The following NBEAL1 variants were observed in gnomAD, a reference collection of about 807,000 sequenced individuals.
The protein encoded by NBEAL1 is neurobeachin like 1, also known as neurobeachin-like protein 1.
In NBEAL1, 273 loss-of-function variants were observed where a neutral mutation model predicts 351.3. That is an observed-to-expected ratio of 0.78 (90% CI 0.70 to 0.86). The LOEUF (loss-of-function observed/expected upper bound fraction) is 0.86, where lower values mean the gene tolerates loss of function less well. Among genes scored for constraint, NBEAL1 ranks in the 40% least tolerant of loss-of-function variants. The pLI is 0.00. For missense variants in NBEAL1, 2,961 were observed against 3,201.3 expected (o/e 0.92, Z 1.81); for synonymous variants, 1,050 against 1,086.4 (o/e 0.97, Z 0.66).
Position 203,224,633 on chromosome 2 carries a change from G to A in NBEAL1, c.*7279G>A, listed in dbSNP as rs375192537. Among the ~76,000 whole-genome samples the A allele has an allele frequency of 4.6e-5, 7 of 152,142 alleles. No individual in the cohort carries two copies. The East Asian group carries it at 9.6e-4, about 21-fold the overall frequency. ...AATGACTTGTTTTTTGAAAGTACTT[G>A]GAAATTGTGCTGCTACTTAAATATT... On this transcript the variant is annotated 3_prime_UTR_variant, in exon 56 of 56. Coordinates refer to ENST00000683969, the MANE Select transcript of NBEAL1 (RefSeq NM_001378026.1).
chr2:203,048,596 T>C lies in NBEAL1; in HGVS notation c.144-1218T>C, dbSNP rs190801380. ...AACCATCTCCTCTCGGAACACAGAT[T>C]TATTATTTCATGAGGTTGGGTACTT... On this transcript the variant is annotated intron_variant, in intron 3 of 55. Transcript: ENST00000683969. Among the ~76,000 whole-genome samples, 22 of 152,204 alleles carry C rather than the reference T, an allele frequency of 1.4e-4. No homozygotes were observed. The East Asian group carries it at 3.5e-3, about 24-fold the overall frequency.
At chr2:203,203,290 T>C (rs2065453192) in intron 51 of NBEAL1, among the ~76,000 whole-genome samples, 1 of 144,930 alleles carries the variant, frequency 6.9e-6, no homozygotes, top group South Asian at 2.4e-4. Flanking sequence ...TACAGGCACG[T>C]GCCACCATGC....
rs2063479460 is a variant in NBEAL1, at chr2:203,145,156, T to A, written c.5300T>A (p.Phe1767Tyr). 1.9e-6 allele frequency: 3 copies of A among 1,600,378 alleles called. No homozygotes were observed. Among genetic ancestry groups the A allele is most frequent in the Non-Finnish European group, 1.7e-6 (2 of 1,176,462 alleles). The change falls in exon 33 of 56, where the codon TTT becomes TAT. Residue 1767 changes from phenylalanine (F) to tyrosine (Y), a missense_variant. Physicochemically the swap from Phe to Tyr is conservative, Grantham distance 22. Coordinates refer to ENST00000683969, the MANE Select transcript of NBEAL1 (RefSeq NM_001378026.1). ...GAAGGAGGGGAAAGCAAGCTCAAAT[T>A]TCAGGTAAAAAGTAAATGTTTTAAT... ...DREGGESKLK[F>Y]QELFVEPFNR...
intron 47 of NBEAL1, among the ~76,000 whole-genome samples, chr2:203,195,246 A>G (rs545421714): frequency 6.6e-6 from 1 of 152,260 alleles, no homozygotes; most frequent in South Asian, 2.1e-4. Context: ...TGTAGTAAGC[A>G]TCACTGTATT....
At chr2:203,143,011 A>G (rs2063419591) in intron 31 of NBEAL1, among the ~76,000 whole-genome samples, 1 of 152,212 alleles carries the variant, frequency 6.6e-6, no homozygotes, top group African/African-American at 2.4e-5. Context: ...ACCTGTGTGT[A>G]CAGCGCAGAC....
chr2:203,139,416 T>A (rs1188798471), intron 31 of NBEAL1, among the ~76,000 whole-genome samples: 2 of 152,052 alleles, frequency 1.3e-5, no homozygotes, highest in Non-Finnish European at 2.9e-5. Flanking sequence ...TGGCCCTTTT[T>A]ATTTTATTTT....
chr2:203,047,741 A>ATT lies in NBEAL1; in HGVS notation c.144-2054_144-2053dup, dbSNP rs199901981. Among the ~76,000 whole-genome samples the ATT allele has an allele frequency of 1.9e-4, 25 of 129,430 alleles. 1 individual carries two copies. Among genetic ancestry groups the ATT allele is most frequent in the African/African-American group, 7.0e-4 (24 of 34,120 alleles). 84.9% of individuals were successfully genotyped at this position (129,430 alleles called of 152,430 possible). ...CAGTCACAATTTTCTATTTCTTTCT[A>ATT]TTTTTTTTTTTTTTTTTTTTGAGAG... On this transcript the variant is annotated intron_variant, in intron 3 of 55. Coordinates refer to ENST00000683969, the MANE Select transcript of NBEAL1 (RefSeq NM_001378026.1).
intron 7 of NBEAL1, among the ~76,000 whole-genome samples, chr2:203,074,062 A>C (rs956107019): frequency 6.6e-6 from 1 of 152,210 alleles, no homozygotes; most frequent in Non-Finnish European, 1.5e-5. Context: ...AATGCATTGC[A>C]TACTTGAAAA....
intron 2 of NBEAL1, among the ~76,000 whole-genome samples, chr2:203,017,140 A>C (rs1383170470): frequency 1.3e-5 from 2 of 152,152 alleles, no homozygotes; most frequent in African/African-American, 4.8e-5. Context: ...CTTTGATTTT[A>C]GGTTATTGAG....
intron 2 of NBEAL1, among the ~76,000 whole-genome samples, chr2:203,021,593 T>A (rs1243673903): frequency 2.0e-5 from 3 of 147,220 alleles, no homozygotes; most frequent in South Asian, 2.1e-4. Flanking sequence ...AGACCCCATT[T>A]AAAAAAAAAA....
intron 51 of NBEAL1, among the ~76,000 whole-genome samples, chr2:203,205,691 C>T (rs2065532607): frequency 6.6e-6 from 1 of 152,134 alleles, no homozygotes; most frequent in Non-Finnish European, 1.5e-5. Context: ...TTTCTCTACT[C>T]TTAAGTAAGA....
chr2:203,057,259 T>TA (rs779239633), intron 5 of NBEAL1, 67 bp from the exon 6 acceptor site: 88 of 1,404,984 alleles, frequency 6.3e-5, no homozygotes, highest in Admixed American at 1.7e-4. Flanking sequence ...CTTGTTTGAA[T>TA]ACAAATGACT....
At chr2:203,160,203 C>T (rs1229823545) in intron 36 of NBEAL1, among the ~76,000 whole-genome samples, 4 of 151,736 alleles carry the variant, frequency 2.6e-5, no homozygotes, top group African/African-American at 9.7e-5. Flanking sequence ...CCTTAGCCTC[C>T]TGAGTAGCTG....
intron 27 of NBEAL1, among the ~76,000 whole-genome samples, chr2:203,133,708 T>C (rs1449449160): frequency 6.6e-6 from 1 of 150,870 alleles, no homozygotes; most frequent in African/African-American, 2.4e-5. Context: ...GTTCTTGATA[T>C]ATATATATAT....
At chr2:203,132,836 A>G (rs985609527) in intron 26 of NBEAL1, among the ~76,000 whole-genome samples, 1 of 152,218 alleles carries the variant, frequency 6.6e-6, no homozygotes, top group Non-Finnish European at 1.5e-5. Context: ...GCCATGCAGT[A>G]TGGACAGTAC....
At chr2:203,051,969 A>T (rs900166182) in intron 4 of NBEAL1, among the ~76,000 whole-genome samples, 1 of 152,134 alleles carries the variant, frequency 6.6e-6, no homozygotes, top group African/African-American at 2.4e-5. Context: ...TCTATTACTA[A>T]TATCTTACAT....
At chr2:203,063,044 A>G (rs996834176) in intron 6 of NBEAL1, among the ~76,000 whole-genome samples, 1 of 152,234 alleles carries the variant, frequency 6.6e-6, no homozygotes, top group African/African-American at 2.4e-5. Context: ...AGCCATGTAA[A>G]ACTATTTCTT....
intron 35 of NBEAL1, among the ~76,000 whole-genome samples, chr2:203,155,716 G>A (rs2063782267): frequency 6.6e-6 from 1 of 152,168 alleles, no homozygotes; most frequent in Admixed American, 6.5e-5. Context: ...CCAGAGTGCT[G>A]GGATTACAGG....
At chr2:203,109,751 C>G (rs1056076123) in intron 14 of NBEAL1, among the ~76,000 whole-genome samples, 14 of 152,156 alleles carry the variant, frequency 9.2e-5, no homozygotes, top group Non-Finnish European at 1.9e-4. Context: ...AACTCCTGAC[C>G]TCAGGTGATC....
Sources: gnomAD v4.1 joint callset for allele counts (sites outside exome capture counted in the v4.1 genomes callset) on GRCh38, gnomAD v4.1.1 for gene constraint, MANE v1.5 for transcripts, NCBI Gene and HGNC (gene_info 2026-07-23, HGNC 2026-07-21) for gene names.